RPGRIP1: variants seen among roughly 807,000 people sequenced by gnomAD.
The protein encoded by RPGRIP1 is X-linked retinitis pigmentosa GTPase regulator-interacting protein 1.
In RPGRIP1, 128 loss-of-function variants were observed where a neutral mutation model predicts 157.9. That is an observed-to-expected ratio of 0.81 (90% CI 0.70 to 0.94). The LOEUF is 0.94. RPGRIP1 is among the 40% of genes least tolerant of loss of function. The pLI, the probability that RPGRIP1 is intolerant of heterozygous loss-of-function variation, is 0.00. For missense variants in RPGRIP1, 1,486 were observed against 1,545.8 expected, an observed-to-expected ratio of 0.96 and a Z score of 0.65; for synonymous variants, 554 against 571.6, an observed-to-expected ratio of 0.97 and a Z score of 0.44.
chr14:21,294,674 T>C lies in RPGRIP1; in HGVS notation c.86-3T>C, dbSNP rs771414528. The stretch of plus-strand genomic sequence containing the variant: ...GTCCATTTACTGTTTTCTGGGACTT[T>C]AGGTAAGAATATGAAAACTCAACCA... On this transcript the variant is annotated splice_polypyrimidine_tract_variant and splice_region_variant and intron_variant, in intron 2 of 24. Coordinates refer to ENST00000400017, the MANE Select transcript of RPGRIP1 (RefSeq NM_020366.4). The C allele has an allele frequency of 6.2e-7, 1 of 1,612,876 alleles. No homozygotes were observed. Among genetic ancestry groups the C allele is most frequent in the Non-Finnish European group, 8.5e-7 (1 of 1,179,458 alleles).
In RPGRIP1 at chr14:21,321,296, C is replaced by T. The variant is rs1255008761; in HGVS notation, c.1505C>T (p.Ser502Phe). The change falls in exon 13 of 25, where the codon TCC (serine) becomes TTC (phenylalanine). Residue 502 changes from serine (S) to phenylalanine (F), a missense_variant. Physicochemically the swap from Ser to Phe is radical, Grantham distance 155. Transcript: ENST00000400017. Reference sequence around the variant, plus strand: ...AAAAACCAAGAAGAAAAGAAACTGTCCCAGGTGCTAAATGAGTTGCAAGTA... The same window carrying T: ...AAAAACCAAGAAGAAAAGAAACTGTTCCAGGTGCTAAATGAGTTGCAAGTA... ...EPKNQEEKKL[S>F]QVLNELQVSH... is the part of the protein sequence containing the mutation. The T allele has an allele frequency of 1.2e-6, 2 of 1,613,742 alleles. No individual in the cohort carries two copies. The highest frequency in any genetic ancestry group is 4.5e-5 in the East Asian group (2 of 44,890).
At position 21,286,168 on chromosome 14, in the gene RPGRIP1, T is replaced by A. The variant is rs1298187977; in HGVS notation, c.-38-1771T>A. 2.6e-5 allele frequency among the ~76,000 whole-genome samples: 4 copies of A among 152,032 alleles called. No individual in the cohort carries two copies. In the South Asian group the frequency reaches 8.3e-4, roughly 31 times the overall value. On this transcript the variant is annotated intron_variant, in intron 1 of 24. Coordinates refer to ENST00000400017, the MANE Select transcript of RPGRIP1 (RefSeq NM_020366.4). Reference sequence around the variant, plus strand: ...CCACGCCCGGCTAATTTTTTGTATTTTTAGTGGAGACAGGGTTTCACCATG... The same window carrying A: ...CCACGCCCGGCTAATTTTTTGTATTATTAGTGGAGACAGGGTTTCACCATG...
chr14:21,300,704 A>ATTT (rs1311618133), intron 3 of RPGRIP1, among the ~76,000 whole-genome samples: 4 of 125,692 alleles, frequency 3.2e-5, no homozygotes, highest in African/African-American at 1.3e-4. Context: ...TAGTGGCTCA[A>ATTT]CTTTTTTTTT....
At chr14:21,350,574 T>C (rs1886145586) in intron 24 of RPGRIP1, among the ~76,000 whole-genome samples, 1 of 152,188 alleles carries the variant, frequency 6.6e-6, no homozygotes, top group South Asian at 2.1e-4. Flanking sequence ...CTAATTATAT[T>C]CCTCTAGTAT....
chr14:21,328,169 CAA>C (rs112502688), intron 18 of RPGRIP1, among the ~76,000 whole-genome samples: 18 of 144,538 alleles, frequency 1.2e-4, no homozygotes, highest in Non-Finnish European at 2.1e-4. Context: ...AACTCTGTCT[CAA>C]AAAAAAAAAG....
intron 2 of RPGRIP1, among the ~76,000 whole-genome samples, chr14:21,289,334 C>T (rs1880427128): frequency 1.3e-5 from 2 of 151,924 alleles, no homozygotes; most frequent in South Asian, 4.2e-4. Flanking sequence ...TACCACCCCC[C>T]TCCCCCAAAA....
At chr14:21,343,290 A>G in intron 22 of RPGRIP1, 62 bp downstream of exon 22, 1 of 1,296,718 alleles carries the variant, frequency 7.7e-7, no homozygotes, top group Non-Finnish European at 1.1e-6. Flanking sequence ...ACTGAGGGTC[A>G]GAATTACTCT....
At chr14:21,317,601 AG>A in intron 10 of RPGRIP1, 94 bp from the exon 11 acceptor site, 1 of 1,546,904 alleles carries the variant, frequency 6.5e-7, no homozygotes, top group Non-Finnish European at 8.7e-7. Context: ...GGAGAGAATG[AG>A]GAACTAGGTC....
chr14:21,306,816 G>A (rs184912538), intron 6 of RPGRIP1, among the ~76,000 whole-genome samples: 154 of 142,884 alleles, frequency 1.1e-3, no homozygotes, highest in African/African-American at 3.6e-3. Context: ...CTCTGTTGTC[G>A]CCAGGCTGGA....
rs1391325919 is a variant in RPGRIP1 at position 21,320,184 on chromosome 14, G to C, written c.1467+7G>C. The C allele has an allele frequency of 3.7e-6, 6 of 1,612,846 alleles. No homozygotes were observed. The highest frequency in any genetic ancestry group is 4.2e-6 in the Non-Finnish European group (5 of 1,179,372). On this transcript the variant is annotated splice_region_variant and intron_variant, in intron 12 of 24. Coordinates refer to ENST00000400017, the MANE Select transcript of RPGRIP1 (RefSeq NM_020366.4). ...AGAGAACACTCAGATCGAGGTAAGA[G>C]CCTCTTTAAACAAACTAGTCCACTC...
chr14:21,297,142 T>C (rs924489198), intron 3 of RPGRIP1, among the ~76,000 whole-genome samples: 2 of 152,026 alleles, frequency 1.3e-5, no homozygotes, highest in Admixed American at 6.6e-5. Flanking sequence ...CACTCAGGTT[T>C]GAGTGCAGTG....
At chr14:21,294,567 C>A in intron 2 of RPGRIP1, 110 bp from the exon 3 acceptor site, 3 of 1,107,188 alleles carry the variant, frequency 2.7e-6, no homozygotes, top group Non-Finnish European at 3.9e-6. Context: ...CTCATAAATA[C>A]TTGACTCAAG....
intron 9 of RPGRIP1, 148 bp from the exon 10 acceptor site, chr14:21,312,285 C>G: frequency 1.6e-6 from 1 of 628,330 alleles, no homozygotes; most frequent in Non-Finnish European, 2.8e-6. Context: ...TCAATTGGTT[C>G]AAGTCTTTCT....
Position 21,312,482 on chromosome 14 carries a change from A to C in RPGRIP1, c.1127A>C (p.Asp376Ala). Reference protein sequence around the residue: ...DLEKERKLLNDNYDKLLESML... With the variant: ...DLEKERKLLNANYDKLLESML... ...GAAAAAGAACGAAAATTGCTGAATGACAATTATGACAAACTCTTAGAAAGG... is the reference window on the plus strand; with the variant it reads ...GAAAAAGAACGAAAATTGCTGAATGCCAATTATGACAAACTCTTAGAAAGG... Residue 376 changes from aspartate (D) to alanine (A), a missense_variant, in exon 10 of 25, where the codon GAC becomes GCC. Asp to Ala is a moderately radical substitution (Grantham distance 126). Coordinates refer to ENST00000400017, the MANE Select transcript of RPGRIP1 (RefSeq NM_020366.4). The C allele has an allele frequency of 2.5e-6, 4 of 1,611,320 alleles. No individual in the cohort carries two copies. Among genetic ancestry groups the C allele is most frequent in the Non-Finnish European group, 3.4e-6 (4 of 1,178,160 alleles).
intron 1 of RPGRIP1, among the ~76,000 whole-genome samples, chr14:21,281,581 TG>T (rs1182947498): frequency 6.7e-6 from 1 of 150,372 alleles, no homozygotes. Flanking sequence ...TGCAGCTGCC[TG>T]GGGGGCTGAG....
chr14:21,347,618 A>G (rs1250932447), intron 23 of RPGRIP1, among the ~76,000 whole-genome samples: 2 of 152,222 alleles, frequency 1.3e-5, no homozygotes, highest in Non-Finnish European at 2.9e-5. Flanking sequence ...AAAATTAATA[A>G]AAATATGAAA....
chr14:21,326,609 A>G (rs890334882), intron 17 of RPGRIP1, among the ~76,000 whole-genome samples: 1 of 151,962 alleles, frequency 6.6e-6, no homozygotes. Flanking sequence ...ACCTCAGGTG[A>G]ACCTCCCACC....
intron 21 of RPGRIP1, among the ~76,000 whole-genome samples, chr14:21,334,907 A>T (rs542607121): frequency 5.9e-4 from 90 of 151,402 alleles, no homozygotes; most frequent in African/African-American, 2.1e-3. Flanking sequence ...TTAGCCAGGC[A>T]TGGTGGAGCG....
intron 10 of RPGRIP1, among the ~76,000 whole-genome samples, chr14:21,315,657 T>C (rs1881753016): frequency 6.6e-6 from 1 of 152,098 alleles, no homozygotes; most frequent in African/African-American, 2.4e-5. Flanking sequence ...TCCACTTCGA[T>C]AGACATTACT....
Sources: gnomAD v4.1 joint callset for allele counts (sites outside exome capture counted in the v4.1 genomes callset) on GRCh38, gnomAD v4.1.1 for gene constraint, MANE v1.5 for transcripts, NCBI Gene and HGNC (gene_info 2026-07-23, HGNC 2026-07-21) for gene names.